DNAJC5B: variants seen among roughly 807,000 people sequenced by gnomAD.
DNAJC5B encodes dnaJ homolog subfamily C member 5B.
In DNAJC5B, 23 loss-of-function variants were observed where a neutral mutation model predicts 24.7. That is an observed-to-expected ratio of 0.93 (90% CI 0.67 to 1.32). DNAJC5B has a LOEUF of 1.32. Among genes scored for constraint, DNAJC5B ranks in the 40% most tolerant of loss-of-function variants. The pLI, the probability that DNAJC5B is intolerant of heterozygous loss-of-function variation, is 0.00. For missense variants in DNAJC5B, 238 were observed against 240.8 expected, an observed-to-expected ratio of 0.99 and a Z score of 0.08; for synonymous variants, 101 against 90.1, an observed-to-expected ratio of 1.12 and a Z score of -0.68.
intron 1 of DNAJC5B, among the ~76,000 whole-genome samples, chr8:66,029,491 T>C (rs1806315727): frequency 6.6e-6 from 1 of 152,260 alleles, no homozygotes; most frequent in East Asian, 1.9e-4. Context: ...TGAAGAGTTA[T>C]CAGCAGGGCA....
intron 5 of DNAJC5B, among the ~76,000 whole-genome samples, 180 bp downstream of exon 5, chr8:66,080,728 C>T (rs951407088): frequency 6.6e-6 from 1 of 152,090 alleles, no homozygotes; most frequent in African/African-American, 2.4e-5. Flanking sequence ...ATACCTTTAC[C>T]AGGCATAGAG....
rs1277617004 is a variant in DNAJC5B, at chr8:66,100,081, C to T, written c.*50C>T. 20 of 1,543,810 alleles carry T rather than the reference C, an allele frequency of 1.3e-5. No homozygotes were observed. Among genetic ancestry groups the T allele is most frequent in the Admixed American group, 3.5e-5 (2 of 57,900 alleles). ...GTCCCTCCTCTCAGTTCAGTCTTGT[C>T]TCCAGATGGTCGTAGGGGAGCGTGT... On this transcript the variant is annotated 3_prime_UTR_variant, in exon 6 of 6. Transcript: ENST00000276570.
chr8:66,017,399 G>C (rs1805983532), upstream of DNAJC5B, among the ~76,000 whole-genome samples: 2 of 152,156 alleles, frequency 1.3e-5, no homozygotes, highest in Admixed American at 1.3e-4. Flanking sequence ...GATTTTGTTT[G>C]TACATGAGGT....
intron 4 of DNAJC5B, 54 bp downstream of exon 4, chr8:66,076,927 A>G (rs907402913): frequency 6.3e-7 from 1 of 1,585,524 alleles, no homozygotes; most frequent in Non-Finnish European, 8.7e-7. Flanking sequence ...GATATTAATC[A>G]CTCTTTTAGA....
At chr8:66,061,589 T>TAG (rs565078426) in intron 3 of DNAJC5B, among the ~76,000 whole-genome samples, 9,454 of 142,732 alleles carry the variant, frequency 0.066, 699 homozygotes, top group East Asian at 0.31. Context: ...AAAGAATGGA[T>TAG]AGAGAGAGAG....
chr8:66,024,286 A>G (rs1806205253), intron 1 of DNAJC5B, among the ~76,000 whole-genome samples: 1 of 152,166 alleles, frequency 6.6e-6, no homozygotes, highest in Admixed American at 6.5e-5. Flanking sequence ...CAGCTTCCTT[A>G]TTAATTTTAA....
intron 3 of DNAJC5B, 100 bp from the exon 4 acceptor site, chr8:66,076,560 C>G (rs574549553): frequency 3.8e-4 from 464 of 1,236,444 alleles, no homozygotes; most frequent in Middle Eastern, 1.9e-3. Context: ...ACAGTATTTG[C>G]GCTAATAAAG....
At position 66,076,879 on chromosome 8, in the gene DNAJC5B, A is replaced by C; in HGVS notation, c.333+6A>C. ...TGTCGAGCTGGTGGGCAAAGGTGAA[A>C]CTGAATTTCCTTTCTTCACAATCTC... is the stretch of plus-strand genomic sequence containing the variant. On this transcript the variant is annotated splice_donor_region_variant and intron_variant, in intron 4 of 5. Coordinates refer to ENST00000276570, the MANE Select transcript of DNAJC5B (RefSeq NM_033105.6). The C allele has an allele frequency of 6.2e-7, 1 of 1,613,986 alleles. No homozygotes were observed. Among genetic ancestry groups the C allele is most frequent in the Non-Finnish European group, 8.5e-7 (1 of 1,179,900 alleles).
At chr8:66,036,886 G>T (rs1418224496) in intron 1 of DNAJC5B, among the ~76,000 whole-genome samples, 2 of 152,218 alleles carry the variant, frequency 1.3e-5, no homozygotes, top group African/African-American at 2.4e-5. Context: ...AGGGCCTGGG[G>T]CAGGGGGACC....
chr8:66,055,730 G>A (rs948975366), intron 3 of DNAJC5B, among the ~76,000 whole-genome samples: 1 of 152,138 alleles, frequency 6.6e-6, no homozygotes, highest in African/African-American at 2.4e-5. Flanking sequence ...ATCACTTGAG[G>A]TCAGGAGTTT....
At chr8:66,077,006 A>G in intron 4 of DNAJC5B, 133 bp downstream of exon 4, 1 of 841,276 alleles carries the variant, frequency 1.2e-6, no homozygotes, top group Non-Finnish European at 1.9e-6. Context: ...TATTGCTTCC[A>G]CTGAATGCTA....
chr8:66,024,164 A>ATGCAGGT (rs1806202164), intron 1 of DNAJC5B, among the ~76,000 whole-genome samples: 1 of 152,342 alleles, frequency 6.6e-6, no homozygotes, highest in South Asian at 2.1e-4. Context: ...CTGGTATTAC[A>ATGCAGGT]TGCAGGTTGC....
At chr8:66,075,823 A>G (rs1807449754) in intron 3 of DNAJC5B, among the ~76,000 whole-genome samples, 1 of 152,194 alleles carries the variant, frequency 6.6e-6, no homozygotes, top group Non-Finnish European at 1.5e-5. Context: ...TTTATCATGT[A>G]GATTGATTTA....
chr8:66,085,194 A>G (rs1807693852), intron 5 of DNAJC5B, among the ~76,000 whole-genome samples: 1 of 152,164 alleles, frequency 6.6e-6, no homozygotes, highest in Admixed American at 6.5e-5. Context: ...AATCCCAGCA[A>G]TTTGGGAGGC....
chr8:66,030,456 C>T (rs894591292), intron 1 of DNAJC5B, among the ~76,000 whole-genome samples: 4 of 152,164 alleles, frequency 2.6e-5, no homozygotes, highest in African/African-American at 9.7e-5. Flanking sequence ...CATTTCAAGG[C>T]ATACTCATGT....
At chr8:66,048,045 C>T (rs1806760811) in intron 2 of DNAJC5B, among the ~76,000 whole-genome samples, 1 of 152,178 alleles carries the variant, frequency 6.6e-6, no homozygotes, top group Non-Finnish European at 1.5e-5. Flanking sequence ...CATTAGTCCA[C>T]ACCATGCCCA....
At chr8:66,058,474 C>T (rs1807013542) in intron 3 of DNAJC5B, among the ~76,000 whole-genome samples, 1 of 152,220 alleles carries the variant, frequency 6.6e-6, no homozygotes, top group African/African-American at 2.4e-5. Flanking sequence ...TCATGTCTAA[C>T]TAGCTCTGAT....
At chr8:66,022,245 G>C (rs1030729069) in intron 1 of DNAJC5B, among the ~76,000 whole-genome samples, 1 of 152,136 alleles carries the variant, frequency 6.6e-6, no homozygotes, top group East Asian at 1.9e-4. Context: ...CTGGGGATGC[G>C]GACAGTTCTG....
chr8:66,057,052 G>A (rs1379384069), intron 3 of DNAJC5B: 2 of 152,094 alleles, frequency 1.3e-5, no homozygotes, highest in African/African-American at 2.4e-5. Context: ...GGCAGGAGAA[G>A]GGCGTGAACC....
Sources: allele counts gnomAD v4.1 joint callset (sites outside exome capture counted in the v4.1 genomes callset), GRCh38; gene constraint gnomAD v4.1.1; transcripts MANE v1.5; gene names NCBI Gene and HGNC (gene_info 2026-07-23, HGNC 2026-07-21).